Variants in GSDMB observed in about 807,000 individuals in gnomAD.
GSDMB encodes gasdermin B.
Under a neutral mutation model 42.9 loss-of-function variants are expected in GSDMB, and 32 were observed. The observed-to-expected ratio is 0.75, with a 90% CI of 0.56 to 1.00. GSDMB has a LOEUF of 1.00. GSDMB is among the 50% of genes least tolerant of loss of function. The pLI is 0.00. For synonymous variants in GSDMB, 175 were observed against 193.7 expected, an observed-to-expected ratio of 0.90 and a Z score of 0.80; for missense variants, 468 against 498.5, an observed-to-expected ratio of 0.94 and a Z score of 0.58.
chr17:39,918,486 G>A (rs2063755066), intron 1 of GSDMB, 48 bp downstream of exon 1: 2 of 152,362 alleles, frequency 1.3e-5, no homozygotes, highest in South Asian at 4.1e-4. Context: ...CTAGGTGTCT[G>A]GAAAGACAGT....
At chr17:39,913,894 C>T (rs186107158) in intron 2 of GSDMB, among the ~76,000 whole-genome samples, 16 of 152,098 alleles carry the variant, frequency 1.1e-4, no homozygotes, top group Non-Finnish European at 1.5e-4. Context: ...TTTCCAAAGA[C>T]AAATCCATTT....
intron 1 of GSDMB, chr17:39,917,579 G>C (rs2063735663): frequency 7.8e-6 from 3 of 384,550 alleles, no homozygotes; most frequent in African/African-American, 4.4e-5. Flanking sequence ...ATACAATATA[G>C]TCTCCCCGCC....
intron 6 of GSDMB, chr17:39,907,537 C>T (rs1395456239): frequency 6.6e-6 from 1 of 151,970 alleles, no homozygotes; most frequent in Non-Finnish European, 1.5e-5. Context: ...AACCCTGTCT[C>T]TACTAAAAAT....
intron 3 of GSDMB, among the ~76,000 whole-genome samples, chr17:39,910,436 G>A (rs535942541): frequency 1.3e-5 from 2 of 152,196 alleles, no homozygotes; most frequent in African/African-American, 2.4e-5. Context: ...ATCCTATGAT[G>A]GTAGGCAGAA....
intron 9 of GSDMB, 140 bp from the exon 10 acceptor site, chr17:39,905,636 G>T: frequency 9.0e-6 from 8 of 887,384 alleles, no homozygotes; most frequent in Non-Finnish European, 1.5e-5. Flanking sequence ...CTCCAAACAG[G>T]CCTCTGCTGT....
chr17:39,908,962 C>T lies in GSDMB; in HGVS notation c.657G>A (p.Thr219=), dbSNP rs1335103118. ...TCTCCATCTGCCTTTGCTTACTCAT[C>T]GTCTCCTTGTTGGGGAAGACAAGCT... The part of the protein sequence containing the change: ...VKQLVFPNKE[T]MNIHFRGKTK... Residue 219 remains threonine (T), a synonymous_variant, in exon 5 of 11, where the codon ACG becomes ACA. Transcript: ENST00000418519. 17 of 1,595,818 alleles carry T rather than the reference C, an allele frequency of 1.1e-5. No individual in the cohort carries two copies. The highest frequency in any genetic ancestry group is 5.1e-5 in the Admixed American group (3 of 59,194).
intron 3 of GSDMB, 109 bp from the exon 4 acceptor site, chr17:39,910,033 G>T: frequency 1.2e-6 from 1 of 862,158 alleles, no homozygotes; most frequent in Non-Finnish European, 1.8e-6. Context: ...TCGCTTCTGA[G>T]ACTGGAAAAC....
In GSDMB at chr17:39,917,084, T is replaced by C. The variant is rs142509403; in HGVS notation, c.233A>G (p.Gln78Arg). 896 of 1,609,926 alleles carry C rather than the reference T, an allele frequency of 5.6e-4. No individual in the cohort carries two copies. Among genetic ancestry groups the C allele is most frequent in the Non-Finnish European group, 7.3e-4 (863 of 1,176,326 alleles). ...CCTGTCATCTACCTTATACTGACCT[T>C]GGAGCCCAGAATCCAGTTCATCTAA... ...KWLDELDSGLQGQKAEFQILD... is the reference protein window; with the variant it reads ...KWLDELDSGLRGQKAEFQILD... The change falls in exon 2 of 11, where the codon CAA becomes CGA. Residue 78 changes from glutamine to arginine, a missense_variant and splice_region_variant. Coordinates refer to ENST00000418519, the MANE Select transcript of GSDMB (RefSeq NM_001165958.2).
At position 39,905,524 on chromosome 17, in the gene GSDMB, G is replaced by A. The variant is rs921723394; in HGVS notation, c.1028-28C>T. The A allele has an allele frequency of 1.9e-6, 3 of 1,572,524 alleles. No individual in the cohort carries two copies. The African/African-American group carries it at 4.0e-5, about 21-fold the overall frequency. Reference sequence around the variant, plus strand: ...GGGGGCAAAGAAAGAGTGGTAAAAAGGAGAGATATATGGTGGGACAGGGCC... The same window carrying A: ...GGGGGCAAAGAAAGAGTGGTAAAAAAGAGAGATATATGGTGGGACAGGGCC... On this transcript the variant is annotated intron_variant, in intron 9 of 10. Transcript: ENST00000418519.
At chr17:39,906,851 C>G in intron 7 of GSDMB, 110 bp downstream of exon 7, 2 of 1,578,004 alleles carry the variant, frequency 1.3e-6, no homozygotes, top group Non-Finnish European at 1.7e-6. Flanking sequence ...GGCAGTGCCT[C>G]CCGACTTCCT....
intron 4 of GSDMB, 53 bp downstream of exon 4, chr17:39,909,703 C>A (rs759357429): frequency 5.4e-6 from 8 of 1,494,848 alleles, no homozygotes; most frequent in Non-Finnish European, 6.5e-6. Flanking sequence ...CCTTGACCTG[C>A]GGGGTGTGGG....
Position 39,906,172 on chromosome 17 carries a change from A to G in GSDMB, c.827T>C (p.Val276Ala). ...KDLTEEKRKD[V>A]LNSLAKCLGK... ...GAGGCACTTAGCGAGGGAGTTTAGC[A>G]CATCTTTTCTCTTCTCCTCTGTCAG... is the stretch of plus-strand genomic sequence containing the variant. The change falls in exon 8 of 11, where the codon GTG becomes GCG. Residue 276 changes from valine (V) to alanine (A), a missense_variant. Transcript: ENST00000418519. The G allele has an allele frequency of 6.2e-7, 1 of 1,614,072 alleles. No individual in the cohort carries two copies. Among genetic ancestry groups the G allele is most frequent in the Non-Finnish European group, 8.5e-7 (1 of 1,179,986 alleles).
intron 2 of GSDMB, among the ~76,000 whole-genome samples, chr17:39,916,799 T>A (rs2063719384): frequency 6.6e-6 from 1 of 152,014 alleles, no homozygotes; most frequent in Admixed American, 6.6e-5. Flanking sequence ...GATAAACACA[T>A]GAGAAGAGCT....
intron 2 of GSDMB, among the ~76,000 whole-genome samples, chr17:39,915,422 G>A (rs1373793455): frequency 1.3e-5 from 2 of 152,136 alleles, no homozygotes; most frequent in South Asian, 2.1e-4. Context: ...CTCTGCCTCC[G>A]AATTTTGTAT....
At chr17:39,917,005 T>C (rs541102886) in intron 2 of GSDMB, 77 bp downstream of exon 2, 26 of 890,308 alleles carry the variant, frequency 2.9e-5, no homozygotes, top group Middle Eastern at 4.5e-4. Context: ...TTGATAACAA[T>C]GGGGAATTGA....
chr17:39,908,238 GA>G, intron 5 of GSDMB, 24 bp from the exon 6 acceptor site: 1 of 1,409,874 alleles, frequency 7.1e-7, no homozygotes, highest in Non-Finnish European at 9.8e-7. Context: ...AAAAAGGGAG[GA>G]AAAAACAAGT....
rs1337917365 is a variant in GSDMB at position 39,904,899 on chromosome 17, G to T, written c.1164C>A (p.Asp388Glu). 6.2e-7 allele frequency: 1 copy of T among 1,613,126 alleles called. No homozygotes were observed. Among genetic ancestry groups the T allele is most frequent in the African/African-American group, 1.3e-5 (1 of 74,894 alleles). The change falls in exon 11 of 11, where the codon GAC becomes GAA. Residue 388 changes from aspartate to glutamate, a missense_variant. Coordinates refer to ENST00000418519, the MANE Select transcript of GSDMB (RefSeq NM_001165958.2). The stretch of plus-strand genomic sequence containing the variant: ...GCGCACAGAGAATTCGTGCCTCAGG[G>T]TCATAGTCCATGTCAGGAGGACTGC... ...LASSPPDMDYDPEARILCALY... is the reference protein window; with the variant it reads ...LASSPPDMDYEPEARILCALY...
chr17:39,909,703 C>T (rs759357429), intron 4 of GSDMB, 53 bp downstream of exon 4: 6 of 1,494,726 alleles, frequency 4.0e-6, no homozygotes, highest in South Asian at 1.1e-5. Flanking sequence ...CCTTGACCTG[C>T]GGGGTGTGGG....
intron 7 of GSDMB, 186 bp from the exon 8 acceptor site, chr17:39,906,457 C>A: frequency 1.1e-6 from 1 of 946,698 alleles, no homozygotes; most frequent in Non-Finnish European, 1.5e-6. Context: ...CCACTGACCC[C>A]ACTTCCATCT....
Sources: gnomAD v4.1 joint callset for allele counts (sites outside exome capture counted in the v4.1 genomes callset) on GRCh38, gnomAD v4.1.1 for gene constraint, MANE v1.5 for transcripts, NCBI Gene and HGNC (gene_info 2026-07-23, HGNC 2026-07-21) for gene names.